The following SRRM3 variants were observed in gnomAD, a reference collection of about 807,000 sequenced individuals.
SRRM3 encodes serine/arginine repetitive matrix 3.
A neutral mutation model predicts 66.2 loss-of-function variants in SRRM3; 27 were observed. The observed-to-expected ratio is 0.41, with a 90% CI of 0.30 to 0.56. The LOEUF (loss-of-function observed/expected upper bound fraction) is 0.56. Among genes scored for constraint, SRRM3 ranks in the 20% least tolerant of loss-of-function variants. SRRM3 has a pLI of 0.32. For synonymous variants in SRRM3, 391 were observed against 414.9 expected, an observed-to-expected ratio of 0.94 and a Z score of 0.70; for missense variants, 918 against 991.9, an observed-to-expected ratio of 0.93 and a Z score of 1.00.
chr7:76,208,554 G>A (rs1007676028), intron 1 of SRRM3, among the ~76,000 whole-genome samples: 1 of 151,834 alleles, frequency 6.6e-6, no homozygotes, highest in Admixed American at 6.6e-5. Flanking sequence ...AAAAAATTAA[G>A]CCAGGCACGG....
chr7:76,229,339 T>C (rs1159452018), intron 1 of SRRM3, among the ~76,000 whole-genome samples: 2 of 152,210 alleles, frequency 1.3e-5, no homozygotes, highest in African/African-American at 4.8e-5. Flanking sequence ...AATTCAAATT[T>C]AATTTAACTG....
At chr7:76,211,379 C>T (rs1177448791) in intron 1 of SRRM3, among the ~76,000 whole-genome samples, 2 of 122,754 alleles carry the variant, frequency 1.6e-5, no homozygotes, top group South Asian at 2.5e-4. Context: ...GGCGGAGGAG[C>T]GAAAGCCCGG....
At chr7:76,246,569 A>G (rs958771628) in intron 2 of SRRM3, among the ~76,000 whole-genome samples, 1 of 152,144 alleles carries the variant, frequency 6.6e-6, no homozygotes, top group Non-Finnish European at 1.5e-5. Flanking sequence ...GTCTCAAAAA[A>G]TAAAAATTAA....
intron 1 of SRRM3, among the ~76,000 whole-genome samples, chr7:76,222,846 C>A (rs569369505): frequency 6.6e-6 from 1 of 152,080 alleles, no homozygotes; most frequent in South Asian, 2.1e-4. Flanking sequence ...GAACTCCTGA[C>A]CTCCAATGAT....
At position 76,240,273 on chromosome 7, in the gene SRRM3, C is replaced by A. The variant is rs374221869; in HGVS notation, c.233+4974C>A. On this transcript the variant is annotated intron_variant, in intron 2 of 14. Transcript: ENST00000611745. ...CTGACGTGAGAGAATTGCTTGAGGC[C>A]AAGAGTTTGAGACCAGCCTGTGTAA... Among the ~76,000 whole-genome samples, 8 of 152,000 alleles carry A rather than the reference C, an allele frequency of 5.3e-5. No individual in the cohort carries two copies. The East Asian group carries it at 1.5e-3, about 29-fold the overall frequency.
intron 1 of SRRM3, among the ~76,000 whole-genome samples, chr7:76,232,445 G>A (rs782064417): frequency 1.4e-4 from 21 of 152,050 alleles, no homozygotes; most frequent in Non-Finnish European, 2.4e-4. Flanking sequence ...GGTGGCAGGC[G>A]CCTGTAATCC....
At chr7:76,235,594 G>A (rs1298749116) in intron 2 of SRRM3, among the ~76,000 whole-genome samples, 1 of 152,132 alleles carries the variant, frequency 6.6e-6, no homozygotes, top group Non-Finnish European at 1.5e-5. Context: ...ATGGCAAAGT[G>A]ATGGCTCACA....
Position 76,204,563 on chromosome 7 carries a change from C to T in SRRM3, c.-40+2496C>T, listed in dbSNP as rs151167507. Among the ~76,000 whole-genome samples, 1,129 of 152,290 alleles carry T rather than the reference C, an allele frequency of 7.4e-3. 12 individuals are homozygous for T. The highest frequency in any genetic ancestry group is 0.01 in the Non-Finnish European group (714 of 68,030). ...ATGACTTCCACAACACCACTCTGCC[C>T]CCGATTCTCCAGGCTCCCCAGGGCG... On this transcript the variant is annotated intron_variant, in intron 1 of 14. Transcript: ENST00000611745.
chr7:76,226,009 CT>C (rs1800856538), intron 1 of SRRM3, among the ~76,000 whole-genome samples: 2 of 152,132 alleles, frequency 1.3e-5, no homozygotes, highest in African/African-American at 4.8e-5. Context: ...CTGTGGTCCA[CT>C]TCTCACTACA....
intron 2 of SRRM3, among the ~76,000 whole-genome samples, chr7:76,241,487 C>G (rs1287038540): frequency 6.6e-6 from 1 of 152,094 alleles, no homozygotes; most frequent in African/African-American, 2.4e-5. Flanking sequence ...GCTTCAGTTG[C>G]TACTATTTAT....
At chr7:76,228,275 G>A (rs1800929189) in intron 1 of SRRM3, among the ~76,000 whole-genome samples, 2 of 152,204 alleles carry the variant, frequency 1.3e-5, no homozygotes, top group South Asian at 4.1e-4. Context: ...TGACTTGCCT[G>A]TGAGAATCTT....
At chr7:76,236,320 A>AG (rs1227903312) in intron 2 of SRRM3, among the ~76,000 whole-genome samples, 9 of 151,572 alleles carry the variant, frequency 5.9e-5, no homozygotes, top group South Asian at 2.1e-4. Flanking sequence ...AAAAAAAAAA[A>AG]AAAAGAAAAG....
At position 76,285,770 on chromosome 7, in the gene SRRM3, G is replaced by C; in HGVS notation, c.1889G>C (p.Arg630Pro). The C allele has an allele frequency of 6.4e-7, 1 of 1,550,840 alleles. No individual in the cohort carries two copies. ...AGTCGCAGCCATGGGACCCGCAGCC[G>C]GACACGCAGCCCCTCGAGGACCCCC... ...YSSRSHGTRSRTRSPSRTPSP... is the reference protein window; with the variant it reads ...YSSRSHGTRSPTRSPSRTPSP... The change falls in exon 15 of 15, where the codon CGG becomes CCG. Residue 630 changes from arginine (R) to proline (P), a missense_variant. Transcript: ENST00000611745. This position sits in a 1 kb window ranked among gnomAD's most constrained non-coding sequence, Gnocchi z 4.1.
chr7:76,219,430 T>C (rs1424277091), intron 1 of SRRM3, among the ~76,000 whole-genome samples: 1 of 152,198 alleles, frequency 6.6e-6, no homozygotes, highest in Non-Finnish European at 1.5e-5. Flanking sequence ...TCCCTCCTTG[T>C]CCCTTGTCAG....
At chr7:76,249,166 G>C (rs1801512047) in intron 3 of SRRM3, among the ~76,000 whole-genome samples, 1 of 151,974 alleles carries the variant, frequency 6.6e-6, no homozygotes, top group African/African-American at 2.4e-5. Flanking sequence ...TGGGAGGATT[G>C]CTTGAGCTCA....
chr7:76,226,314 G>C (rs1248293311), intron 1 of SRRM3, among the ~76,000 whole-genome samples: 1 of 152,234 alleles, frequency 6.6e-6, no homozygotes, highest in African/African-American at 2.4e-5. Flanking sequence ...CAGCCAGGAG[G>C]CTGGGAAATC....
chr7:76,253,540 G>T (rs1801632392), intron 3 of SRRM3, among the ~76,000 whole-genome samples: 1 of 151,562 alleles, frequency 6.6e-6, no homozygotes, highest in Admixed American at 6.6e-5. Context: ...AGAATGGCGT[G>T]AACCCGGGAG....
chr7:76,281,210 TTCTC>T (rs1253584401), intron 11 of SRRM3, among the ~76,000 whole-genome samples: 2 of 150,848 alleles, frequency 1.3e-5, no homozygotes, highest in Non-Finnish European at 3.0e-5. Flanking sequence ...TCTCTCTTCA[TTCTC>T]TCTCTCCGTC....
At chr7:76,227,351 C>T (rs1800900032) in intron 1 of SRRM3, among the ~76,000 whole-genome samples, 1 of 152,202 alleles carries the variant, frequency 6.6e-6, no homozygotes, top group Admixed American at 6.5e-5. Context: ...ACCCCTCACC[C>T]TCAAGCACCT....
Sources: allele counts gnomAD v4.1 joint callset (sites outside exome capture counted in the v4.1 genomes callset), GRCh38; gene constraint gnomAD v4.1.1; non-coding constraint Gnocchi (gnomAD v3.1); transcripts MANE v1.5; gene names NCBI Gene and HGNC (gene_info 2026-07-23, HGNC 2026-07-21).